MACROD2: variants seen among roughly 807,000 people sequenced by gnomAD.
The protein encoded by MACROD2 is mono-ADP ribosylhydrolase 2.
Under a neutral mutation model 70.4 loss-of-function variants are expected in MACROD2, and 36 were observed. The ratio of observed to expected loss-of-function variants is 0.51; its 90% CI spans 0.39 to 0.68. The LOEUF (loss-of-function observed/expected upper bound fraction) is 0.68. Among genes scored for constraint, MACROD2 ranks in the 30% least tolerant of loss-of-function variants. The pLI is 0.00. For missense variants in MACROD2, 496 were observed against 538.4 expected (o/e 0.92, Z 0.78); for synonymous variants, 172 against 178.8 (o/e 0.96, Z 0.30).
intron 5 of MACROD2, among the ~76,000 whole-genome samples, chr20:15,171,902 G>C (rs950595607): frequency 5.3e-5 from 8 of 152,196 alleles, no homozygotes; most frequent in Admixed American, 1.3e-4. Context: ...TGTCTACCCA[G>C]CAGCTAGCAC....
chr20:14,179,028 AGGATGACTTTTACCTCTG>A (rs757665691), intron 3 of MACROD2, among the ~76,000 whole-genome samples: 3 of 152,182 alleles, frequency 2.0e-5, no homozygotes, highest in Non-Finnish European at 4.4e-5. Context: ...AAAGGTGTGG[AGGATGACTTTTACCTCTG>A]GGTGAGAGAA....
chr20:15,781,593 G>A (rs551165271), intron 8 of MACROD2, among the ~76,000 whole-genome samples: 1 of 152,288 alleles, frequency 6.6e-6, no homozygotes, highest in East Asian at 1.9e-4. Context: ...ATGGTGGAAG[G>A]TGGAAGTGCC....
At chr20:15,507,644 C>T (rs1454239207) in intron 8 of MACROD2, among the ~76,000 whole-genome samples, 2 of 152,048 alleles carry the variant, frequency 1.3e-5, no homozygotes, top group African/African-American at 4.8e-5. Flanking sequence ...AAAAGCTAAT[C>T]CCCAAGGCAG....
intron 3 of MACROD2, among the ~76,000 whole-genome samples, chr20:14,242,294 TA>T (rs1264839152): frequency 1.3e-4 from 20 of 152,300 alleles, no homozygotes; most frequent in African/African-American, 4.8e-4. Context: ...TTAAGCATTC[TA>T]AAAAGGCACA....
intron 4 of MACROD2, chr20:14,493,979 G>T (rs1422735698): frequency 6.6e-6 from 1 of 152,054 alleles, no homozygotes; most frequent in African/African-American, 2.4e-5. Context: ...AAATAAAAAA[G>T]AAATTACTGT....
At chr20:14,555,704 G>C (rs993441520) in intron 4 of MACROD2, among the ~76,000 whole-genome samples, 1 of 152,028 alleles carries the variant, frequency 6.6e-6, no homozygotes, top group South Asian at 2.1e-4. Flanking sequence ...ACTAAGGAGA[G>C]GCGTGGGAAA....
At chr20:14,623,314 A>G (rs1165663549) in intron 4 of MACROD2, among the ~76,000 whole-genome samples, 1 of 152,132 alleles carries the variant, frequency 6.6e-6, no homozygotes, top group Non-Finnish European at 1.5e-5. Context: ...TTCTCCAGGA[A>G]TTGGGAGCAT....
At chr20:14,563,648 T>A (rs554916721) in intron 4 of MACROD2, among the ~76,000 whole-genome samples, 1 of 152,148 alleles carries the variant, frequency 6.6e-6, no homozygotes, top group East Asian at 1.9e-4. Context: ...TAACATTTTC[T>A]GAATTACAGT....
At chr20:15,177,072 C>T (rs2076467803) in intron 5 of MACROD2, among the ~76,000 whole-genome samples, 2 of 152,194 alleles carry the variant, frequency 1.3e-5, no homozygotes, top group African/African-American at 4.8e-5. Flanking sequence ...TGCACAGTGA[C>T]CAGACCCTGC....
At chr20:14,124,754 A>G (rs969745281) in intron 3 of MACROD2, among the ~76,000 whole-genome samples, 6 of 152,144 alleles carry the variant, frequency 3.9e-5, no homozygotes, top group African/African-American at 1.4e-4. Context: ...TCAAAAAGTT[A>G]AATATAAACT....
chr20:14,949,417 G>T (rs2074458117), intron 5 of MACROD2, among the ~76,000 whole-genome samples: 1 of 152,066 alleles, frequency 6.6e-6, no homozygotes, highest in South Asian at 2.1e-4. Context: ...TCAGAGGCAG[G>T]GTTTTAGTAT....
chr20:15,255,193 C>T lies in MACROD2; in HGVS notation c.540+25132C>T, dbSNP rs73262749. Among the ~76,000 whole-genome samples the T allele has an allele frequency of 6.5e-3, 985 of 152,086 alleles. 9 individuals are homozygous for T. The highest frequency in any genetic ancestry group is 0.022 in the African/African-American group (914 of 41,488). On this transcript the variant is annotated intron_variant, in intron 6 of 17. Coordinates refer to ENST00000684519, the MANE Select transcript of MACROD2 (RefSeq NM_001351661.2). Reference sequence around the variant, plus strand: ...TTACATTAACTCAGTCATTTATCATCGTGAACTTCATTTTTATCCTGTACT... The same window carrying T: ...TTACATTAACTCAGTCATTTATCATTGTGAACTTCATTTTTATCCTGTACT...
intron 4 of MACROD2, among the ~76,000 whole-genome samples, chr20:14,641,417 AT>A (rs1403710634): frequency 1.2e-4 from 18 of 152,338 alleles, no homozygotes; most frequent in African/African-American, 4.1e-4. Flanking sequence ...ATTTTCTTCC[AT>A]GAATCACAAA....
chr20:15,624,915 C>T (rs898629371), intron 8 of MACROD2, among the ~76,000 whole-genome samples: 3 of 152,186 alleles, frequency 2.0e-5, no homozygotes, highest in Non-Finnish European at 2.9e-5. Context: ...TTAGTTCTTA[C>T]ACCTCATTGA....
At chr20:15,072,970 T>C (rs186125794) in intron 5 of MACROD2, among the ~76,000 whole-genome samples, 1 of 152,130 alleles carries the variant, frequency 6.6e-6, no homozygotes, top group Non-Finnish European at 1.5e-5. Flanking sequence ...GTGGGTTTGT[T>C]AGCATGAGAA....
chr20:14,072,310 G>A (rs2053855865), intron 2 of MACROD2, among the ~76,000 whole-genome samples: 2 of 152,088 alleles, frequency 1.3e-5, no homozygotes, highest in Admixed American at 1.3e-4. Flanking sequence ...TGCCACTAAA[G>A]GAAGAGATAG....
chr20:15,251,390 A>G (rs1000668471), intron 6 of MACROD2, among the ~76,000 whole-genome samples: 2 of 152,182 alleles, frequency 1.3e-5, no homozygotes, highest in South Asian at 2.1e-4. Context: ...CATGGAGTGT[A>G]TTGTTTTACA....
At chr20:14,574,730 G>A (rs1470059932) in intron 4 of MACROD2, among the ~76,000 whole-genome samples, 8 of 150,858 alleles carry the variant, frequency 5.3e-5, no homozygotes, top group Non-Finnish European at 1.0e-4. Flanking sequence ...AAATATTCAC[G>A]GCCGGGCGCG....
At chr20:14,213,500 A>G (rs2081588562) in intron 3 of MACROD2, among the ~76,000 whole-genome samples, 1 of 151,656 alleles carries the variant, frequency 6.6e-6, no homozygotes, top group African/African-American at 2.4e-5. Flanking sequence ...TGAATAGAAT[A>G]ACAGAGACTT....
Sources: allele counts gnomAD v4.1 joint callset (sites outside exome capture counted in the v4.1 genomes callset), GRCh38; gene constraint gnomAD v4.1.1; transcripts MANE v1.5; gene names NCBI Gene and HGNC (gene_info 2026-07-23, HGNC 2026-07-21).